The following PAX7 variants were observed in gnomAD, a reference collection of about 807,000 sequenced individuals.
PAX7 encodes the protein paired box protein Pax-7.
In PAX7, 18 loss-of-function variants were observed where a neutral mutation model predicts 50.7. That is an observed-to-expected ratio of 0.36 (90% CI 0.25 to 0.53). The LOEUF (loss-of-function observed/expected upper bound fraction) is 0.53. Among genes scored for constraint, PAX7 ranks in the 20% least tolerant of loss-of-function variants. The probability of loss-of-function intolerance (pLI) is 0.93; values close to 1 mark genes in which losing one functional copy is unlikely to be tolerated. For missense variants in PAX7, 644 were observed against 702.9 expected (o/e 0.92, Z 0.95); for synonymous variants, 310 against 290.4 (o/e 1.07, Z -0.69).
chr1:18,650,480 G>T (rs1249246542), intron 4 of PAX7, among the ~76,000 whole-genome samples: 1 of 152,214 alleles, frequency 6.6e-6, no homozygotes, highest in Non-Finnish European at 1.5e-5. Context: ...TGCAGCCTGT[G>T]GGGGATGGAA....
chr1:18,709,736 G>A (rs966721328), intron 7 of PAX7, among the ~76,000 whole-genome samples: 1 of 152,198 alleles, frequency 6.6e-6, no homozygotes, highest in African/African-American at 2.4e-5. Context: ...GCCAGGTTGT[G>A]TGCTAGGATC....
rs534962448 is a variant in PAX7, at chr1:18,726,011, C to T, written c.1156-9621C>T. Among the ~76,000 whole-genome samples, 26 of 146,126 alleles carry T rather than the reference C, an allele frequency of 1.8e-4. No homozygotes were observed. The highest frequency in any genetic ancestry group is 5.3e-4 in the African/African-American group (20 of 37,838). On this transcript the variant is annotated intron_variant, in intron 7 of 8. Coordinates refer to ENST00000420770, the MANE Select transcript of PAX7 (RefSeq NM_001135254.2). The surrounding 1 kb of genome is among the most constrained non-coding windows in gnomAD (Gnocchi z 4.8). ...GTGTGTGTGCGCGCGCGCGCGTGCG[C>T]GCGTGTGTGTGCGTGTGTTTGTGTG...
intron 7 of PAX7, among the ~76,000 whole-genome samples, chr1:18,732,214 T>C (rs2089654839): frequency 6.6e-6 from 1 of 152,212 alleles, no homozygotes; most frequent in African/African-American, 2.4e-5. Flanking sequence ...TTATATTATT[T>C]GTTCACTTGT....
chr1:18,748,753 A>T lies in PAX7; in HGVS notation c.*3824A>T. On this transcript the variant is annotated 3_prime_UTR_variant, in exon 9 of 9. Coordinates refer to ENST00000420770, the MANE Select transcript of PAX7 (RefSeq NM_001135254.2). ...ATCACACCATAATTTATTCAGCTAT[A>T]TGGAGTAGTAGACTAGAAAGAGAAA... 1 of 227,904 alleles carries T rather than the reference A, an allele frequency of 4.4e-6. No individual in the cohort carries two copies. 14.1% of individuals were successfully genotyped at this position (227,904 alleles called of 1,614,324 possible).
At chr1:18,714,434 C>T (rs1314065075) in intron 7 of PAX7, among the ~76,000 whole-genome samples, 1 of 152,126 alleles carries the variant, frequency 6.6e-6, no homozygotes, top group Non-Finnish European at 1.5e-5. Context: ...GAGCTTAAGA[C>T]AATGTTCCTC....
chr1:18,691,905 C>G lies in PAX7; in HGVS notation c.738C>G (p.Thr246=). 1 of 1,613,998 alleles carries G rather than the reference C, an allele frequency of 6.2e-7. No individual in the cohort carries two copies. Among genetic ancestry groups the G allele is most frequent in the Non-Finnish European group, 8.5e-7 (1 of 1,179,996 alleles). The change falls in exon 5 of 9, where the codon ACC becomes ACG. Residue 246 remains threonine, a synonymous_variant. Coordinates refer to ENST00000420770, the MANE Select transcript of PAX7 (RefSeq NM_001135254.2). ...FERTHYPDIY[T]REELAQRTKL... The stretch of plus-strand genomic sequence containing the variant: ...GGACCCACTACCCAGACATATACAC[C>G]CGCGAGGAGCTGGCGCAGAGGACCA...
intron 7 of PAX7, among the ~76,000 whole-genome samples, chr1:18,708,161 G>A (rs6695392): frequency 0.027 from 4,089 of 152,036 alleles, 182 homozygotes; most frequent in African/African-American, 0.093. Context: ...TCCTGATAAC[G>A]TTCATCTGGG....
intron 4 of PAX7, among the ~76,000 whole-genome samples, chr1:18,668,944 C>A (rs551769561): frequency 6.6e-6 from 1 of 152,294 alleles, no homozygotes; most frequent in East Asian, 1.9e-4. Context: ...TCTTAGGTAA[C>A]CTTCAGCAAA....
intron 4 of PAX7, among the ~76,000 whole-genome samples, chr1:18,657,018 T>C (rs1046123165): frequency 2.6e-5 from 4 of 151,854 alleles, no homozygotes; most frequent in African/African-American, 9.7e-5. Context: ...AAAAATAGGA[T>C]CATGTCAAGA....
chr1:18,633,402 T>TC (rs1421543905), intron 1 of PAX7, among the ~76,000 whole-genome samples: 1 of 152,110 alleles, frequency 6.6e-6, no homozygotes, highest in Non-Finnish European at 1.5e-5. Context: ...CCAGGCGTTC[T>TC]CCCCTCCCCA....
intron 4 of PAX7, among the ~76,000 whole-genome samples, chr1:18,646,435 G>A (rs1237808950): frequency 6.6e-6 from 1 of 152,118 alleles, no homozygotes; most frequent in Non-Finnish European, 1.5e-5. Flanking sequence ...CGGTACCTGA[G>A]CCTCAGTTTC....
chr1:18,729,576 T>A (rs535167644), intron 7 of PAX7, among the ~76,000 whole-genome samples: 5 of 152,304 alleles, frequency 3.3e-5, no homozygotes, highest in Middle Eastern at 3.4e-3. Flanking sequence ...GAAAGGCTAT[T>A]TGGCGATTGG....
intron 7 of PAX7, among the ~76,000 whole-genome samples, chr1:18,712,508 C>T (rs2089366399): frequency 6.6e-6 from 1 of 152,146 alleles, no homozygotes; most frequent in Non-Finnish European, 1.5e-5. Flanking sequence ...GGAAACCCCT[C>T]CCGGAAAGAA....
chr1:18,701,948 G>A (rs984599529), intron 6 of PAX7, among the ~76,000 whole-genome samples: 3 of 152,090 alleles, frequency 2.0e-5, no homozygotes, highest in Non-Finnish European at 4.4e-5. Context: ...GGGGAAGAAG[G>A]GTTCCCTCCC....
intron 5 of PAX7, among the ~76,000 whole-genome samples, chr1:18,698,709 C>T (rs968435872): frequency 2.0e-5 from 3 of 152,192 alleles, no homozygotes; most frequent in African/African-American, 7.2e-5. Context: ...AAACCCTCGG[C>T]GCCCTGTGGA....
chr1:18,705,646 G>A (rs2089273413), intron 7 of PAX7, among the ~76,000 whole-genome samples: 1 of 152,218 alleles, frequency 6.6e-6, no homozygotes, highest in African/African-American at 2.4e-5. Context: ...CCTCCAGAGT[G>A]TGGGTCGGGG....
At position 18,634,306 on chromosome 1, in the gene PAX7, C is replaced by T. The variant is rs1307853137; in HGVS notation, c.89C>T (p.Ser30Phe). 22 of 1,613,270 alleles carry T rather than the reference C, an allele frequency of 1.4e-5. No homozygotes were observed. Among genetic ancestry groups the T allele is most frequent in the Non-Finnish European group, 1.9e-5 (22 of 1,179,616 alleles). Residue 30 changes from serine to phenylalanine, a missense_variant, in exon 2 of 9, where the codon TCC becomes TTC. Ser to Phe is a radical substitution (Grantham distance 155, BLOSUM62 -2). Transcript: ENST00000420770. The surrounding 1 kb of genome is among the most constrained non-coding windows in gnomAD (Gnocchi z 4.0). Reference protein sequence around the residue: ...YPRTGFPLEVSTPLGQGRVNQ... With the variant: ...YPRTGFPLEVFTPLGQGRVNQ... ...GCATCTCCCCTCCCTTCTCCAGTGT[C>T]CACCCCGCTTGGCCAAGGCCGGGTC... is the stretch of plus-strand genomic sequence containing the variant.
chr1:18,743,955 T>G (rs968577333), intron 8 of PAX7, among the ~76,000 whole-genome samples: 7 of 152,180 alleles, frequency 4.6e-5, no homozygotes, highest in Admixed American at 2.0e-4. Context: ...TCAAGGAGAT[T>G]CTTGTTTCAG....
At chr1:18,708,895 G>T (rs925277869) in intron 7 of PAX7, among the ~76,000 whole-genome samples, 3 of 152,158 alleles carry the variant, frequency 2.0e-5, no homozygotes, top group Non-Finnish European at 4.4e-5. Flanking sequence ...AGAGACAGGT[G>T]GGGAAGACAG....
Sources: allele counts gnomAD v4.1 joint callset (sites outside exome capture counted in the v4.1 genomes callset), GRCh38; gene constraint gnomAD v4.1.1; non-coding constraint Gnocchi (gnomAD v3.1); transcripts MANE v1.5; gene names NCBI Gene and HGNC (gene_info 2026-07-23, HGNC 2026-07-21).